Variants in POLQ observed in about 807,000 individuals in gnomAD.
The protein encoded by POLQ is epididymis secretory sperm binding protein.
POLQ carries 233 observed loss-of-function variants against 259.2 expected under a neutral mutation model. The ratio of observed to expected loss-of-function variants is 0.90; its 90% CI spans 0.81 to 1.00. POLQ has a LOEUF of 1.00. POLQ is among the 50% of genes least tolerant of loss of function. POLQ has a pLI of 0.00. For synonymous variants in POLQ, 1,025 were observed against 1,048.8 expected (o/e 0.98, Z 0.44); for missense variants, 2,871 against 3,051.6 (o/e 0.94, Z 1.39).
rs764887606 is a variant in POLQ, at chr3:121,522,004, T to C, written c.1254A>G (p.Ala418=). The part of the protein sequence containing the change: ...TVPWGVAFHH[A]GLTFEERDII... ...AATAACATTATAAATATGAAATACC[T>C]GCATGATGAAATGCTACTCCCCATG... Residue 418 remains alanine (A), a splice_region_variant and synonymous_variant, in exon 8 of 30, where the codon GCA becomes GCG. Coordinates refer to ENST00000264233, the MANE Select transcript of POLQ (RefSeq NM_199420.4). 2 of 1,564,686 alleles carry C rather than the reference T, an allele frequency of 1.3e-6. No individual in the cohort carries two copies. The highest frequency in any genetic ancestry group is 1.7e-6 in the Non-Finnish European group (2 of 1,160,804).
intron 3 of POLQ, among the ~76,000 whole-genome samples, chr3:121,539,881 T>C (rs1189124412): frequency 6.6e-6 from 1 of 152,162 alleles, no homozygotes; most frequent in Non-Finnish European, 1.5e-5. Flanking sequence ...GGAGAAAAAC[T>C]ACCTTAAGCA....
In POLQ at chr3:121,490,002, TC is replaced by T; in HGVS notation, c.2928del (p.Asn977IlefsTer18). On this transcript the variant is annotated frameshift_variant, in exon 16 of 30. Transcript: ENST00000264233. LOFTEE classifies it high-confidence loss of function. ...TSSFNCNFQN[G>X]NQEHQTCSIF... Reference sequence around the variant, plus strand: ...ATGGAACATGTCTGATGTTCTTGATTCCCATTCTGGAAATTACAATTAAAGG... The same window carrying T: ...ATGGAACATGTCTGATGTTCTTGATTCCATTCTGGAAATTACAATTAAAGG... The T allele has an allele frequency of 6.3e-7, 1 of 1,580,570 alleles. No individual in the cohort carries two copies. Among genetic ancestry groups the T allele is most frequent in the Non-Finnish European group, 8.5e-7 (1 of 1,170,322 alleles).
rs202000977 is a variant in POLQ at position 121,481,835 on chromosome 3, T to C, written c.5971-23A>G. 1.4e-4 allele frequency: 221 copies of C among 1,564,128 alleles called. 3 individuals are homozygous for C. The East Asian group carries it at 5.0e-3, about 35-fold the overall frequency. On this transcript the variant is annotated intron_variant, in intron 18 of 29. Coordinates refer to ENST00000264233, the MANE Select transcript of POLQ (RefSeq NM_199420.4). ...CACCTGAATGGGATAGCAATGAGAA[T>C]ATTTTCCTGATTTTTTTCAAAGACA...
At chr3:121,464,199 G>T (rs2047816623) in intron 24 of POLQ, among the ~76,000 whole-genome samples, 1 of 152,164 alleles carries the variant, frequency 6.6e-6, no homozygotes, top group South Asian at 2.1e-4. Flanking sequence ...ACAGGTAAGA[G>T]AATGTATTTG....
chr3:121,496,867 TTC>T lies in POLQ; in HGVS notation c.2217_2218del (p.Lys740IlefsTer55). The stretch of plus-strand genomic sequence containing the variant: ...AATCTGCCCACGATTGCATCCATAT[TTC>T]TGATTTATTTCCCTTAAGGGAACTT... On this transcript the variant is annotated frameshift_variant, in exon 14 of 30. Coordinates refer to ENST00000264233, the MANE Select transcript of POLQ (RefSeq NM_199420.4). LOFTEE classifies it high-confidence loss of function. The T allele has an allele frequency of 6.2e-7, 1 of 1,613,820 alleles. No homozygotes were observed. Among genetic ancestry groups the T allele is most frequent in the Non-Finnish European group, 8.5e-7 (1 of 1,179,858 alleles).
intron 20 of POLQ, among the ~76,000 whole-genome samples, chr3:121,475,411 C>G (rs2108791653): frequency 6.6e-6 from 1 of 152,032 alleles, no homozygotes; most frequent in East Asian, 1.9e-4. Context: ...AAATTTCAAA[C>G]TGGATGTGCC....
chr3:121,440,341 T>G (rs1444283357), intron 26 of POLQ, among the ~76,000 whole-genome samples: 1 of 152,174 alleles, frequency 6.6e-6, no homozygotes, highest in African/African-American at 2.4e-5. Flanking sequence ...TGGGTTTTTT[T>G]GTTTTTGAGA....
Position 121,476,686 on chromosome 3 carries a change from G to A in POLQ, c.6259C>T (p.Leu2087=). 6.2e-7 allele frequency: 1 copy of A among 1,613,484 alleles called. No individual in the cohort carries two copies. The highest frequency in any genetic ancestry group is 8.5e-7 in the Non-Finnish European group (1 of 1,179,610). ...EMPSQYCLAL[L]ELNGIGFSTA... ...CTAAAGCCAATTCCATTTAGTTCTA[G>A]CAAGGCCAAGCAGTACTGAGAGGGC... Residue 2087 remains leucine (L), a synonymous_variant, in exon 20 of 30, where the codon CTA becomes TTA. Transcript: ENST00000264233.
rs1334573733 is a variant in POLQ, at chr3:121,498,551, G to A, written c.2079C>T (p.Phe693=). 4 of 1,613,960 alleles carry A rather than the reference G, an allele frequency of 2.5e-6. No individual in the cohort carries two copies. The change falls in exon 13 of 30, where the codon TTC becomes TTT. Residue 693 remains phenylalanine, a synonymous_variant. Transcript: ENST00000264233. The stretch of plus-strand genomic sequence containing the variant: ...CTTTTCCTTTCACACAACGGGCCAA[G>A]AACCCCTCTTCAACTCCCACTAGCT... ...VAELVGVEEG[F]LARCVKGKVV...
At chr3:121,527,675 C>G (rs1242397239) in intron 7 of POLQ, among the ~76,000 whole-genome samples, 1 of 152,180 alleles carries the variant, frequency 6.6e-6, no homozygotes, top group Admixed American at 6.5e-5. Context: ...CAGCTGCAGA[C>G]CTCAACTTAT....
chr3:121,443,676 C>T (rs543803697), intron 26 of POLQ, among the ~76,000 whole-genome samples: 2 of 152,250 alleles, frequency 1.3e-5, no homozygotes, highest in South Asian at 4.1e-4. Flanking sequence ...TTTGCCCAGA[C>T]TGATATACTG....
Position 121,545,756 on chromosome 3 carries a change from G to T in POLQ, c.122C>A (p.Pro41Gln). The change falls in exon 1 of 30, where the codon CCG (proline) becomes CAG (glutamine). Residue 41 changes from proline to glutamine, a missense_variant. Pro to Gln is a moderately conservative substitution (Grantham distance 76, BLOSUM62 -1). Transcript: ENST00000264233. ...CAGGCAGCGACCAAGGCCGGGCGGC[G>T]GGCTCAGCACGGACCCGGAGAGGAA... ...PQFLSGSVLS[P>Q]PPGLGRCLKA... is the part of the protein sequence containing the mutation. 1 of 1,599,058 alleles carries T rather than the reference G, an allele frequency of 6.3e-7. No individual in the cohort carries two copies. The highest frequency in any genetic ancestry group is 1.1e-5 in the South Asian group (1 of 88,936).
Position 121,483,452 on chromosome 3 carries a change from G to C in POLQ, c.5904C>G (p.Ile1968Met). 1 of 1,603,642 alleles carries C rather than the reference G, an allele frequency of 6.2e-7. No homozygotes were observed. The highest frequency in any genetic ancestry group is 8.5e-7 in the Non-Finnish European group (1 of 1,176,640). ...AAAGAAGAAGAATTTTATAGCTCTG[G>C]ATGAAGTCATAGATGACAACAGAAC... is the stretch of plus-strand genomic sequence containing the variant. ...KECSVVIYDF[I>M]QSYKILLLSC... The change falls in exon 18 of 30, where the codon ATC becomes ATG. Residue 1968 changes from isoleucine (I) to methionine (M), a missense_variant. By Grantham distance (10) the Ile-to-Met change is conservative (BLOSUM62 1). This residue lies in a region of POLQ where 2,080 missense variants were observed against 2,126.0 expected (regional missense o/e 0.98). Transcript: ENST00000264233.
chr3:121,455,088 C>G (rs1043944649), intron 25 of POLQ, among the ~76,000 whole-genome samples: 14 of 151,732 alleles, frequency 9.2e-5, no homozygotes, highest in African/African-American at 2.9e-4. Context: ...TCACTCAAAA[C>G]CACTCAACTA....
At position 121,545,720 on chromosome 3, in the gene POLQ, G is replaced by T; in HGVS notation, c.158C>A (p.Ala53Asp). Residue 53 changes from alanine to aspartate, a missense_variant, in exon 1 of 30, where the codon GCT (alanine) becomes GAT (aspartate). Transcript: ENST00000264233. The part of the protein sequence containing the change: ...PGLGRCLKAA[A>D]AGECKPTVPD... ...CTCCCGGGTTCCTGGAGCACCTGCAGCTGCGGCCTTCAGGCAGCGACCAAG... is the reference window on the plus strand; with the variant it reads ...CTCCCGGGTTCCTGGAGCACCTGCATCTGCGGCCTTCAGGCAGCGACCAAG... 1 of 1,561,304 alleles carries T rather than the reference G, an allele frequency of 6.4e-7. No individual in the cohort carries two copies. The highest frequency in any genetic ancestry group is 8.7e-7 in the Non-Finnish European group (1 of 1,153,976).
At chr3:121,542,878 T>A (rs1213726776) in intron 2 of POLQ, among the ~76,000 whole-genome samples, 2 of 151,826 alleles carry the variant, frequency 1.3e-5, no homozygotes, top group Non-Finnish European at 2.9e-5. Flanking sequence ...TTCCAGCTAC[T>A]CCGGAGGCTG....
chr3:121,525,273 G>A (rs1463009212), intron 7 of POLQ, among the ~76,000 whole-genome samples: 3 of 151,846 alleles, frequency 2.0e-5, no homozygotes, highest in Admixed American at 1.3e-4. Context: ...CCTGGGAGGC[G>A]GAGCTTGCAG....
intron 7 of POLQ, among the ~76,000 whole-genome samples, chr3:121,526,872 T>TATAA (rs66502708): frequency 2.6e-5 from 1 of 37,802 alleles, no homozygotes. Flanking sequence ...TGTGTGTCTC[T>TATAA]GTATGTGTGT....
At chr3:121,536,792 G>C (rs934065076) in intron 5 of POLQ, among the ~76,000 whole-genome samples, 3 of 152,014 alleles carry the variant, frequency 2.0e-5, no homozygotes, top group Non-Finnish European at 2.9e-5. Context: ...CTACAGGTGT[G>C]TGCCACCATG....
Sources: allele counts gnomAD v4.1 joint callset (sites outside exome capture counted in the v4.1 genomes callset), GRCh38; gene constraint gnomAD v4.1.1; regional missense constraint gnomAD v4.1.1; transcripts MANE v1.5; gene names NCBI Gene and HGNC (gene_info 2026-07-23, HGNC 2026-07-21).